The following WNT7A variants were observed in gnomAD, a reference collection of about 807,000 sequenced individuals.
The protein encoded by WNT7A is Wnt family member 7A.
A neutral mutation model predicts 28.2 loss-of-function variants in WNT7A; 16 were observed. The observed-to-expected ratio is 0.57, with a 90% confidence interval of 0.38 to 0.86. The LOEUF is 0.86. Ranked by LOEUF, WNT7A falls within the 40% of genes least tolerant of loss-of-function variation. The pLI, the probability that WNT7A is intolerant of heterozygous loss-of-function variation, is 0.00. For synonymous variants in WNT7A, 190 were observed against 195.9 expected, an observed-to-expected ratio of 0.97 and a Z score of 0.25; for missense variants, 411 against 489.7, an observed-to-expected ratio of 0.84 and a Z score of 1.52.
chr3:13,843,200 T>C (rs956919948), intron 3 of WNT7A, among the ~76,000 whole-genome samples: 8 of 152,222 alleles, frequency 5.3e-5, no homozygotes, highest in Non-Finnish European at 8.8e-5. Context: ...AGGAATAAGA[T>C]GTAAGAATTA....
chr3:13,832,194 C>G (rs1409389351), intron 3 of WNT7A, among the ~76,000 whole-genome samples: 1 of 148,948 alleles, frequency 6.7e-6, no homozygotes, highest in African/African-American at 2.5e-5. Context: ...GCTCTTCCTC[C>G]TGCTCCTCCT....
At chr3:13,860,357 G>T (rs763410407) in intron 2 of WNT7A, among the ~76,000 whole-genome samples, 1 of 152,174 alleles carries the variant, frequency 6.6e-6, no homozygotes, top group Non-Finnish European at 1.5e-5. Context: ...AAACCCCATG[G>T]TTAGAGATTC....
chr3:13,863,024 T>C lies in WNT7A; in HGVS notation c.299-8221A>G, dbSNP rs541849583. ...GGGACCTTGAATGAGCTAACTCACCTCTCAAGGCCTCAGTTTCCTCATTTG... is the reference window on the plus strand; with the variant it reads ...GGGACCTTGAATGAGCTAACTCACCCCTCAAGGCCTCAGTTTCCTCATTTG... On this transcript the variant is annotated intron_variant, in intron 2 of 3. Transcript: ENST00000285018. Among the ~76,000 whole-genome samples, 8 of 152,304 alleles carry C rather than the reference T, an allele frequency of 5.3e-5. No homozygotes were observed. In the East Asian group the frequency reaches 1.3e-3, roughly 26 times the overall value.
chr3:13,857,327 CT>C (rs994216428), intron 2 of WNT7A, among the ~76,000 whole-genome samples: 1 of 152,166 alleles, frequency 6.6e-6, no homozygotes, highest in Non-Finnish European at 1.5e-5. Context: ...GGAGACCAGG[CT>C]TTGAGTGCTG....
chr3:13,831,884 C>A (rs563066038), intron 3 of WNT7A, among the ~76,000 whole-genome samples: 1 of 152,144 alleles, frequency 6.6e-6, no homozygotes, highest in African/African-American at 2.4e-5. Context: ...CCCAGAGTCC[C>A]GCCCAGGACC....
At chr3:13,829,227 T>A (rs1694241226) in intron 3 of WNT7A, among the ~76,000 whole-genome samples, 1 of 152,136 alleles carries the variant, frequency 6.6e-6, no homozygotes, top group Non-Finnish European at 1.5e-5. Context: ...AAGAAAAGAC[T>A]GTTGAGCTTC....
intron 1 of WNT7A, among the ~76,000 whole-genome samples, chr3:13,878,207 G>T (rs538179012): frequency 6.6e-6 from 1 of 152,032 alleles, no homozygotes; most frequent in African/African-American, 2.4e-5. Context: ...GCCCGCGGGC[G>T]GGCGGGGCGG....
chr3:13,820,432 A>AACTAAG (rs1694089000), intron 3 of WNT7A, among the ~76,000 whole-genome samples: 1 of 151,936 alleles, frequency 6.6e-6, no homozygotes, highest in Non-Finnish European at 1.5e-5. Context: ...CTTGAGGCTA[A>AACTAAG]ACTAAGTCTC....
intron 3 of WNT7A, among the ~76,000 whole-genome samples, chr3:13,828,268 C>T (rs1040195655): frequency 6.6e-6 from 1 of 152,174 alleles, no homozygotes; most frequent in African/African-American, 2.4e-5. Flanking sequence ...AGGCATCGTG[C>T]AACCACATGG....
chr3:13,873,670 G>A (rs966785229), intron 2 of WNT7A, among the ~76,000 whole-genome samples: 5 of 152,202 alleles, frequency 3.3e-5, no homozygotes, highest in African/African-American at 9.7e-5. Flanking sequence ...AAACCAGTTC[G>A]GAATGGATTG....
intron 3 of WNT7A, among the ~76,000 whole-genome samples, chr3:13,837,776 C>T (rs896303187): frequency 6.6e-6 from 1 of 152,174 alleles, no homozygotes; most frequent in Non-Finnish European, 1.5e-5. Flanking sequence ...CCCTTGACCA[C>T]CTCCATCTGA....
intron 2 of WNT7A, among the ~76,000 whole-genome samples, chr3:13,869,677 G>GGGAGGAAGGGAAAGATAGA (rs1180433212): frequency 2.3e-4 from 29 of 126,368 alleles, no homozygotes; most frequent in African/African-American, 8.0e-4. Context: ...GAGGGAGGGA[G>GGGAGGAAGGGAAAGATAGA]GGAGGAAGGG....
At chr3:13,836,258 T>G (rs930431345) in intron 3 of WNT7A, among the ~76,000 whole-genome samples, 2 of 150,924 alleles carry the variant, frequency 1.3e-5, no homozygotes, top group Non-Finnish European at 2.9e-5. Context: ...CCTAGGAACT[T>G]GGGCCATGGA....
At chr3:13,851,121 C>T (rs377325896) in intron 3 of WNT7A, among the ~76,000 whole-genome samples, 2 of 152,316 alleles carry the variant, frequency 1.3e-5, no homozygotes, top group Middle Eastern at 3.4e-3. Flanking sequence ...CCCAGCCGTG[C>T]GCCCCGAGGC....
intron 2 of WNT7A, among the ~76,000 whole-genome samples, chr3:13,864,787 C>G (rs1162036402): frequency 6.6e-6 from 1 of 152,184 alleles, no homozygotes; most frequent in Admixed American, 6.5e-5. Context: ...TGGATATATA[C>G]TCTTCATTCT....
At chr3:13,876,117 T>C (rs931382008) in intron 1 of WNT7A, among the ~76,000 whole-genome samples, 2 of 152,218 alleles carry the variant, frequency 1.3e-5, no homozygotes, top group African/African-American at 4.8e-5. Context: ...TCAAGAGGAC[T>C]TCCTTGAGGA....
chr3:13,854,635 A>G lies in WNT7A; in HGVS notation c.467T>C (p.Ile156Thr), dbSNP rs1694699237. The G allele has an allele frequency of 1.2e-6, 2 of 1,614,060 alleles. No homozygotes were observed. The highest frequency in any genetic ancestry group is 1.7e-6 in the Non-Finnish European group (2 of 1,180,034). ...GWKWGGCSAD[I>T]RYGIGFAKVF... ...CTTGGCGAAGCCGATGCCGTAGCGGATGTCGGCAGAGCAGCCACCCCACTT... is the reference window on the plus strand; with the variant it reads ...CTTGGCGAAGCCGATGCCGTAGCGGGTGTCGGCAGAGCAGCCACCCCACTT... Residue 156 changes from isoleucine to threonine, a missense_variant, in exon 3 of 4, where the codon ATC becomes ACC. Coordinates refer to ENST00000285018, the MANE Select transcript of WNT7A (RefSeq NM_004625.4).
chr3:13,864,414 G>A (rs534363639), intron 2 of WNT7A, among the ~76,000 whole-genome samples: 2 of 152,080 alleles, frequency 1.3e-5, no homozygotes, highest in African/African-American at 4.8e-5. Context: ...TGTCTGCGTC[G>A]CCCAGCCAAG....
intron 2 of WNT7A, among the ~76,000 whole-genome samples, chr3:13,867,802 G>A (rs1368817301): frequency 1.3e-5 from 2 of 152,198 alleles, no homozygotes; most frequent in East Asian, 3.9e-4. Context: ...GAGGTAACTC[G>A]TGGAAGAGCG....
Sources: allele counts gnomAD v4.1 joint callset (sites outside exome capture counted in the v4.1 genomes callset), GRCh38; gene constraint gnomAD v4.1.1; transcripts MANE v1.5; gene names NCBI Gene and HGNC (gene_info 2026-07-23, HGNC 2026-07-21).